EZR: variants seen among roughly 807,000 people sequenced by gnomAD.
The protein encoded by EZR is ezrin, also known as cytovillin 2.
A neutral mutation model predicts 74.8 loss-of-function variants in EZR; 40 were observed. The ratio of observed to expected loss-of-function variants is 0.53; its 90% CI spans 0.42 to 0.70. The LOEUF (loss-of-function observed/expected upper bound fraction) is 0.70. Ranked by LOEUF, EZR falls within the 30% of genes least tolerant of loss-of-function variation. EZR has a pLI of 0.00. For missense variants in EZR, 678 were observed against 755.8 expected, an observed-to-expected ratio of 0.90 and a Z score of 1.21; for synonymous variants, 341 against 283.3, an observed-to-expected ratio of 1.20 and a Z score of -2.05.
intron 2 of EZR, among the ~76,000 whole-genome samples, chr6:158,801,389 C>T (rs1261285248): frequency 6.6e-6 from 1 of 151,982 alleles, no homozygotes; most frequent in Non-Finnish European, 1.5e-5. Flanking sequence ...TCTCCAAAAA[C>T]AAACAAAAAA....
intron 2 of EZR, among the ~76,000 whole-genome samples, chr6:158,798,514 C>CT (rs1364210003): frequency 1.3e-5 from 2 of 152,280 alleles, no homozygotes; most frequent in East Asian, 3.9e-4. Context: ...TTAGCCCTCA[C>CT]TGCTTCTGGG....
chr6:158,805,511 A>G (rs1275367188), intron 2 of EZR, among the ~76,000 whole-genome samples: 5 of 152,200 alleles, frequency 3.3e-5, no homozygotes, highest in Non-Finnish European at 7.3e-5. Context: ...TTTCTCCTGT[A>G]AGAAACTTCG....
chr6:158,810,064 C>T (rs1562507608), intron 2 of EZR, among the ~76,000 whole-genome samples: 1 of 152,154 alleles, frequency 6.6e-6, no homozygotes, highest in Non-Finnish European at 1.5e-5. Flanking sequence ...TGACTTCTAA[C>T]TTAAAAATAT....
intron 8 of EZR, 142 bp from the exon 9 acceptor site, chr6:158,771,549 G>C: frequency 1.2e-6 from 1 of 855,802 alleles, no homozygotes; most frequent in Non-Finnish European, 1.8e-6. Context: ...CACTAGGAAT[G>C]TGCATTCTCC....
At chr6:158,805,367 G>A (rs201213312) in intron 2 of EZR, among the ~76,000 whole-genome samples, 8 of 141,802 alleles carry the variant, frequency 5.6e-5, no homozygotes, top group Non-Finnish European at 7.6e-5. Flanking sequence ...AAAAAAGGTC[G>A]AAAAATTTCT....
chr6:158,768,722 A>G (rs1423142879), intron 12 of EZR, among the ~76,000 whole-genome samples: 1 of 152,192 alleles, frequency 6.6e-6, no homozygotes, highest in Non-Finnish European at 1.5e-5. Context: ...CCTCTGTGCT[A>G]GGTCCTGGGC....
chr6:158,771,106 C>T (rs1270394435), intron 9 of EZR, 138 bp downstream of exon 9: 12 of 1,377,684 alleles, frequency 8.7e-6, no homozygotes, highest in Middle Eastern at 2.6e-4. Context: ...ACAAAGGCCT[C>T]GAAGATCCCA....
intron 2 of EZR, among the ~76,000 whole-genome samples, chr6:158,799,125 C>G (rs1777138022): frequency 6.6e-6 from 1 of 152,184 alleles, no homozygotes. Flanking sequence ...GCCTGGCTCA[C>G]ACCCCTTTGA....
chr6:158,793,610 A>C (rs1392277794), intron 2 of EZR, among the ~76,000 whole-genome samples: 3 of 152,186 alleles, frequency 2.0e-5, no homozygotes, highest in Admixed American at 2.0e-4. Context: ...GGACAGCACA[A>C]GTATTCATTC....
chr6:158,804,658 G>C (rs3127196), intron 2 of EZR, among the ~76,000 whole-genome samples: 79,887 of 151,818 alleles, frequency 0.53, 21,923 homozygotes, highest in Non-Finnish European at 0.61. Flanking sequence ...GCTCAGAAAA[G>C]ATAGGGAACT....
intron 1 of EZR, 133 bp from the exon 2 acceptor site, chr6:158,818,299 G>A (rs1273566973): frequency 1.5e-5 from 5 of 339,728 alleles, no homozygotes; most frequent in Non-Finnish European, 2.6e-5. Flanking sequence ...TCAGCGCCCC[G>A]CCCAGCACTG....
chr6:158,770,080 G>A (rs1791053744), intron 10 of EZR, 136 bp from the exon 11 acceptor site: 3 of 1,165,604 alleles, frequency 2.6e-6, no homozygotes, highest in South Asian at 3.0e-5. Context: ...CAGTGACCCT[G>A]GAGGAAAGCA....
intron 7 of EZR, among the ~76,000 whole-genome samples, chr6:158,777,128 T>C (rs1791301481): frequency 6.6e-6 from 1 of 152,234 alleles, no homozygotes; most frequent in African/African-American, 2.4e-5. Context: ...TGAATGTTAT[T>C]TAAGTTACTG....
chr6:158,776,261 T>C, intron 8 of EZR, 147 bp downstream of exon 8: 1 of 700,320 alleles, frequency 1.4e-6, no homozygotes, highest in African/African-American at 1.8e-5. Flanking sequence ...AGCAATTGCC[T>C]GGCCCACAGG....
At chr6:158,802,590 G>A (rs1280220123) in intron 2 of EZR, among the ~76,000 whole-genome samples, 1 of 152,166 alleles carries the variant, frequency 6.6e-6, no homozygotes, top group Non-Finnish European at 1.5e-5. Flanking sequence ...GGAGTGCAGT[G>A]GCGCAATCTC....
At chr6:158,767,995 T>G (rs986300280) in intron 12 of EZR, among the ~76,000 whole-genome samples, 5 of 151,794 alleles carry the variant, frequency 3.3e-5, no homozygotes, top group Non-Finnish European at 5.9e-5. Context: ...ACTTAACAGG[T>G]ACTTTCTCCA....
chr6:158,794,774 T>C (rs1777033661), intron 2 of EZR, among the ~76,000 whole-genome samples: 1 of 152,190 alleles, frequency 6.6e-6, no homozygotes, highest in South Asian at 2.1e-4. Flanking sequence ...TCTCCCAGGC[T>C]TGCCAAAATA....
At chr6:158,777,506 AT>A (rs1255821421) in intron 7 of EZR, among the ~76,000 whole-genome samples, 1 of 152,190 alleles carries the variant, frequency 6.6e-6, no homozygotes, top group Non-Finnish European at 1.5e-5. Context: ...CTTCCAACAC[AT>A]TTTACCAGGG....
At chr6:158,777,650 GCCTA>G (rs1358876979) in intron 7 of EZR, among the ~76,000 whole-genome samples, 1 of 152,122 alleles carries the variant, frequency 6.6e-6, no homozygotes, top group Non-Finnish European at 1.5e-5. Context: ...GCAATCTATG[GCCTA>G]CCAACAGCTT....
Sources: gnomAD v4.1 joint callset for allele counts (sites outside exome capture counted in the v4.1 genomes callset) on GRCh38, gnomAD v4.1.1 for gene constraint, MANE v1.5 for transcripts, NCBI Gene and HGNC (gene_info 2026-07-23, HGNC 2026-07-21) for gene names.